KCNQ2: variants seen among roughly 807,000 people sequenced by gnomAD.
KCNQ2 encodes potassium voltage-gated channel subfamily Q member 2, also known as potassium voltage-gated channel subfamily KQT member 2.
KCNQ2 carries 14 observed loss-of-function variants against 84.8 expected under a neutral mutation model. The ratio of observed to expected loss-of-function variants is 0.17; its 90% CI spans 0.11 to 0.26. The LOEUF (loss-of-function observed/expected upper bound fraction) is 0.26. Ranked by LOEUF, KCNQ2 falls within the 10% of genes least tolerant of loss-of-function variation. The pLI is 1.00. For synonymous variants in KCNQ2, 599 were observed against 554.1 expected (o/e 1.08, Z -1.14); for missense variants, 788 against 1,254.0 (o/e 0.63, Z 5.61).
chr20:63,426,435 G>A (rs1371601029), intron 10 of KCNQ2, among the ~76,000 whole-genome samples: 3 of 151,636 alleles, frequency 2.0e-5, no homozygotes, highest in Non-Finnish European at 4.4e-5. Flanking sequence ...TTTGCAAGCT[G>A]GACAGGCTGA....
In KCNQ2 at chr20:63,405,188, T is replaced by A. The variant is rs1231343024; in HGVS notation, c.*1456A>T. The A allele has an allele frequency of 6.6e-6, 1 of 152,250 alleles. No individual in the cohort carries two copies. The highest frequency in any genetic ancestry group is 2.4e-5 in the African/African-American group (1 of 41,450). 9.4% of individuals were successfully genotyped at this position (152,250 alleles called of 1,614,324 possible). ...AGGAGAAACGGGCCCAGGACTCCCC[T>A]GCACTTGCTCTGCAGGAGTATTTGC... On this transcript the variant is annotated 3_prime_UTR_variant, in exon 17 of 17. Transcript: ENST00000359125.
chr20:63,435,985 CTTT>C (rs56346120), intron 7 of KCNQ2, among the ~76,000 whole-genome samples: 1 of 139,880 alleles, frequency 7.1e-6, no homozygotes, highest in African/African-American at 2.6e-5. Context: ...TGTGTGGTTT[CTTT>C]TTTTTTTTTT....
Position 63,453,369 on chromosome 20 carries a change from C to T in KCNQ2, c.297-6532G>A, listed in dbSNP as rs559343824. 2.6e-5 allele frequency among the ~76,000 whole-genome samples: 4 copies of T among 152,380 alleles called. No individual in the cohort carries two copies. In the South Asian group the frequency reaches 8.3e-4, roughly 32 times the overall value. On this transcript the variant is annotated intron_variant, in intron 1 of 16. Transcript: ENST00000359125. Reference sequence around the variant, plus strand: ...CCGAGGCCCAGGCAGACAAACCATACGCAAGGGACGTCCCATTTCCAAGCC... The same window carrying T: ...CCGAGGCCCAGGCAGACAAACCATATGCAAGGGACGTCCCATTTCCAAGCC...
At chr20:63,417,027 TC>T (rs1377914178) in intron 12 of KCNQ2, among the ~76,000 whole-genome samples, 1 of 151,948 alleles carries the variant, frequency 6.6e-6, no homozygotes, top group African/African-American at 2.4e-5. Context: ...TCCCGAGGCG[TC>T]GCGTGCTTGG....
intron 8 of KCNQ2, among the ~76,000 whole-genome samples, chr20:63,431,904 A>G (rs1305885598): frequency 1.3e-5 from 2 of 149,622 alleles, no homozygotes; most frequent in African/African-American, 4.9e-5. Flanking sequence ...GGAAGGCCCC[A>G]CCCTCAGGGA....
chr20:63,444,986 G>T, intron 3 of KCNQ2, 152 bp from the exon 4 acceptor site: 1 of 1,005,404 alleles, frequency 9.9e-7, no homozygotes, highest in Non-Finnish European at 1.4e-6. Context: ...CCCCAGGAAG[G>T]ACATTACTAT....
intron 1 of KCNQ2, among the ~76,000 whole-genome samples, chr20:63,462,775 G>A (rs773879682): frequency 2.0e-5 from 3 of 152,172 alleles, no homozygotes; most frequent in East Asian, 1.9e-4. Context: ...ACTGCAAACC[G>A]GTCAGAGAAG....
At chr20:63,470,384 G>A (rs1001506193) in intron 1 of KCNQ2, among the ~76,000 whole-genome samples, 4 of 152,214 alleles carry the variant, frequency 2.6e-5, no homozygotes, top group Admixed American at 6.5e-5. Flanking sequence ...GGGCCCGTCC[G>A]GACTGGGGGT....
chr20:63,468,583 G>A (rs796302764), intron 1 of KCNQ2, among the ~76,000 whole-genome samples: 4 of 152,222 alleles, frequency 2.6e-5, no homozygotes, highest in East Asian at 3.9e-4. Flanking sequence ...CGGCACCGGG[G>A]GACTTGAACA....
chr20:63,429,061 C>A (rs982788133), intron 9 of KCNQ2, among the ~76,000 whole-genome samples: 6 of 151,996 alleles, frequency 3.9e-5, no homozygotes, highest in African/African-American at 1.5e-4. Flanking sequence ...TCCTGCCCTG[C>A]CGCCCACAGC....
At chr20:63,448,764 G>A (rs555024452) in intron 1 of KCNQ2, among the ~76,000 whole-genome samples, 21 of 152,082 alleles carry the variant, frequency 1.4e-4, no homozygotes, top group Non-Finnish European at 2.6e-4. Flanking sequence ...CCTGGGGGAA[G>A]TCCCTCCAGC....
chr20:63,469,617 G>T (rs1201945800), intron 1 of KCNQ2, among the ~76,000 whole-genome samples: 1 of 152,244 alleles, frequency 6.6e-6, no homozygotes, highest in Non-Finnish European at 1.5e-5. Context: ...GCCAGACACT[G>T]GTGGCAATAG....
chr20:63,458,136 TC>T (rs1326495772), intron 1 of KCNQ2, among the ~76,000 whole-genome samples: 2 of 132,186 alleles, frequency 1.5e-5, no homozygotes, highest in African/African-American at 5.8e-5. Flanking sequence ...TGGCCTGGGG[TC>T]CCCTGGACTT....
chr20:63,445,669 G>A (rs1488797308), intron 2 of KCNQ2: 2 of 451,276 alleles, frequency 4.4e-6, no homozygotes, highest in South Asian at 4.6e-5. Context: ...TGGCAGGGCT[G>A]CCCTGTCTGA....
intron 15 of KCNQ2, among the ~76,000 whole-genome samples, chr20:63,410,684 G>A (rs927830949): frequency 1.3e-5 from 2 of 152,198 alleles, no homozygotes; most frequent in African/African-American, 2.4e-5. Context: ...GAGGAGCACG[G>A]GGCTGACATG....
intron 1 of KCNQ2, among the ~76,000 whole-genome samples, chr20:63,458,371 G>A (rs768517054): frequency 3.9e-5 from 6 of 152,052 alleles, no homozygotes; most frequent in Non-Finnish European, 8.8e-5. Flanking sequence ...TGGACCCCAC[G>A]CGACCCATCC....
rs2079830255 is a variant in KCNQ2, at chr20:63,402,447, G to A, written c.*4197C>T. On this transcript the variant is annotated 3_prime_UTR_variant, in exon 17 of 17. Transcript: ENST00000359125. ...AGCTCCTTCTGCTCCTCGGCTTCTGGGAAGCAACTAGAAATAGCTGAGAGC... is the reference window on the plus strand; with the variant it reads ...AGCTCCTTCTGCTCCTCGGCTTCTGAGAAGCAACTAGAAATAGCTGAGAGC... The A allele has an allele frequency of 6.6e-6, 1 of 152,470 alleles. No homozygotes were observed. Among genetic ancestry groups the A allele is most frequent in the Non-Finnish European group, 1.5e-5 (1 of 68,240 alleles). 9.4% of individuals were successfully genotyped at this position (152,470 alleles called of 1,614,324 possible).
chr20:63,441,864 T>G (rs1265295367), intron 5 of KCNQ2, among the ~76,000 whole-genome samples: 1 of 152,214 alleles, frequency 6.6e-6, no homozygotes, highest in African/African-American at 2.4e-5. Flanking sequence ...TCAGCCGGCA[T>G]GTGCGGGGCT....
At chr20:63,439,328 G>A (rs561925994) in intron 6 of KCNQ2, among the ~76,000 whole-genome samples, 15 of 152,326 alleles carry the variant, frequency 9.8e-5, no homozygotes, top group African/African-American at 3.4e-4. Flanking sequence ...AGACTAAGAG[G>A]GGCCACCAGT....
Sources: allele counts gnomAD v4.1 joint callset (sites outside exome capture counted in the v4.1 genomes callset), GRCh38; gene constraint gnomAD v4.1.1; transcripts MANE v1.5; gene names NCBI Gene and HGNC (gene_info 2026-07-23, HGNC 2026-07-21).